NOS1: variants seen among roughly 807,000 people sequenced by gnomAD.
NOS1 encodes the protein nitric oxide synthase 1.
A neutral mutation model predicts 164.5 loss-of-function variants in NOS1; 51 were observed. The ratio of observed to expected loss-of-function variants is 0.31; its 90% CI spans 0.25 to 0.39. The LOEUF is 0.39. Among genes scored for constraint, NOS1 ranks in the 10% least tolerant of loss-of-function variants. The pLI is 1.00. For missense variants in NOS1, 1,362 were observed against 1,885.6 expected (o/e 0.72, Z 5.14); for synonymous variants, 719 against 745.8 (o/e 0.96, Z 0.59).
Position 117,330,550 on chromosome 12 carries a change from G to A in NOS1, c.520C>T (p.His174Tyr), listed in dbSNP as rs372299035. ...DDGQEAGSLP[H>Y]ANGLAPRPPG... ...GGCCTGGGGGCCAGGCCGTTGGCAT[G>A]GGGGAGTGAGCCAGCCTCCTGCCCA... The change falls in exon 2 of 29, where the codon CAT becomes TAT. Residue 174 changes from histidine (H) to tyrosine (Y), a missense_variant. Around this residue, in one of 4 missense-constraint regions of NOS1, gnomAD observed 362 missense variants for 402.0 expected, o/e 0.90. Transcript: ENST00000317775. This position sits in a 1 kb window ranked among gnomAD's most constrained non-coding sequence, Gnocchi z 4.6. 6.2e-7 allele frequency: 1 copy of A among 1,613,570 alleles called. No individual in the cohort carries two copies. The highest frequency in any genetic ancestry group is 1.1e-5 in the South Asian group (1 of 91,072).
At chr12:117,351,438 C>A (rs1876614785) in intron 1 of NOS1, among the ~76,000 whole-genome samples, 2 of 152,274 alleles carry the variant, frequency 1.3e-5, no homozygotes, top group South Asian at 4.1e-4. Flanking sequence ...ACTTAAGCAC[C>A]CCTTTGTTGG....
intron 1 of NOS1, chr12:117,348,345 C>T (rs11068454): frequency 0.11 from 16,902 of 152,142 alleles, 1,023 homozygotes; most frequent in Non-Finnish European, 0.13. Context: ...TTTACTGACA[C>T]GTGACTCGGT....
At chr12:117,254,112 A>G (rs552792944) in intron 16 of NOS1, among the ~76,000 whole-genome samples, 10 of 152,278 alleles carry the variant, frequency 6.6e-5, no homozygotes, top group Middle Eastern at 6.8e-3. Flanking sequence ...AAAAAAAAAA[A>G]AAATTTTTTT....
intron 1 of NOS1, among the ~76,000 whole-genome samples, chr12:117,361,268 G>T (rs1203357001): frequency 6.6e-6 from 1 of 151,904 alleles, no homozygotes; most frequent in Non-Finnish European, 1.5e-5. Flanking sequence ...CGCCCCGCGC[G>T]GCTGGAGGGC....
At position 117,217,280 on chromosome 12, in the gene NOS1, G is replaced by A. The variant is rs544691060; in HGVS notation, c.4289+766C>T. Among the ~76,000 whole-genome samples, 11 of 152,250 alleles carry A rather than the reference G, an allele frequency of 7.2e-5. No homozygotes were observed. In the East Asian group the frequency reaches 1.9e-3, roughly 27 times the overall value. On this transcript the variant is annotated intron_variant, in intron 28 of 28. Coordinates refer to ENST00000317775, the MANE Select transcript of NOS1 (RefSeq NM_000620.5). ...CAGACCTCCACCTAGCTCCAGGGGC[G>A]ATCCCATTCTTCTCCCCACTTTCCT...
intron 3 of NOS1, among the ~76,000 whole-genome samples, chr12:117,296,303 G>T (rs566187852): frequency 6.6e-6 from 1 of 152,274 alleles, no homozygotes; most frequent in African/African-American, 2.4e-5. Context: ...TTGGATTGAA[G>T]AATGCAAAGT....
At chr12:117,241,921 C>CTAAG (rs2135953260) in intron 20 of NOS1, among the ~76,000 whole-genome samples, 1 of 152,322 alleles carries the variant, frequency 6.6e-6, no homozygotes, top group East Asian at 1.9e-4. Context: ...TGTCCTTTTA[C>CTAAG]TAAAGCCAGA....
intron 22 of NOS1, among the ~76,000 whole-genome samples, chr12:117,230,729 A>C (rs1290943487): frequency 6.6e-6 from 1 of 152,104 alleles, no homozygotes; most frequent in African/African-American, 2.4e-5. Flanking sequence ...CATTTGGTTC[A>C]TTTTACAATC....
chr12:117,252,335 C>A (rs1291619316), intron 17 of NOS1, among the ~76,000 whole-genome samples: 1 of 151,962 alleles, frequency 6.6e-6, no homozygotes, highest in Non-Finnish European at 1.5e-5. Context: ...GTAAGAAAAC[C>A]ATTATTAGCT....
chr12:117,306,871 T>G (rs890174348), intron 3 of NOS1, among the ~76,000 whole-genome samples: 6 of 152,146 alleles, frequency 3.9e-5, no homozygotes, highest in Non-Finnish European at 7.4e-5. Flanking sequence ...CTTCCCACCC[T>G]GGCCTCCCAA....
At chr12:117,296,064 C>T (rs988477930) in intron 3 of NOS1, among the ~76,000 whole-genome samples, 8 of 152,072 alleles carry the variant, frequency 5.3e-5, no homozygotes, top group African/African-American at 1.9e-4. Flanking sequence ...CATGTATGTG[C>T]ACACCTACAT....
At chr12:117,264,522 C>T (rs1872216751) in intron 12 of NOS1, among the ~76,000 whole-genome samples, 1 of 147,266 alleles carries the variant, frequency 6.8e-6, no homozygotes, top group Non-Finnish European at 1.5e-5. Flanking sequence ...CCCTTCCTTC[C>T]TTTCCTTCCT....
At chr12:117,264,038 GA>G in intron 12 of NOS1, 64 bp from the exon 13 acceptor site, 1 of 1,341,612 alleles carries the variant, frequency 7.5e-7, no homozygotes, top group South Asian at 1.2e-5. Context: ...TCCTGTTGGG[GA>G]TGCTCAGGAC....
In NOS1 at chr12:117,234,554, G is replaced by A. The variant is rs188370748; in HGVS notation, c.3235+11C>T. 32 of 1,608,272 alleles carry A rather than the reference G, an allele frequency of 2.0e-5. No homozygotes were observed. The Middle Eastern group carries it at 6.7e-4, about 34-fold the overall frequency. On this transcript the variant is annotated intron_variant, in intron 21 of 28. Coordinates refer to ENST00000317775, the MANE Select transcript of NOS1 (RefSeq NM_000620.5). This position sits in a 1 kb window ranked among gnomAD's most constrained non-coding sequence, Gnocchi z 4.3. ...CTCCCTAGAGCAGGGAAGGGTCCCC[G>A]GGAATGTTACCTAAAGCCGTGTTCC...
chr12:117,324,124 G>A, intron 2 of NOS1, among the ~76,000 whole-genome samples: 1 of 152,062 alleles, frequency 6.6e-6, no homozygotes, highest in South Asian at 2.1e-4. Flanking sequence ...GTAGAACCAG[G>A]AGAGCATCCT....
chr12:117,225,326 T>C (rs945102036), intron 24 of NOS1, among the ~76,000 whole-genome samples, 189 bp from the exon 25 acceptor site: 1 of 150,934 alleles, frequency 6.6e-6, no homozygotes, highest in African/African-American at 2.4e-5. Context: ...AAATGGGGGG[T>C]CCTCAAGTTC....
chr12:117,297,750 CAG>C (rs9658319), intron 3 of NOS1, among the ~76,000 whole-genome samples: 86 of 152,008 alleles, frequency 5.7e-4, no homozygotes, highest in Middle Eastern at 3.2e-3. Flanking sequence ...GGGCAGTGGA[CAG>C]AGGGAGATTT....
chr12:117,287,522 T>A (rs1052029394), intron 5 of NOS1, among the ~76,000 whole-genome samples: 4 of 151,950 alleles, frequency 2.6e-5, no homozygotes, highest in Admixed American at 6.6e-5. Flanking sequence ...CACTACAACC[T>A]CCACCTCCCG....
At chr12:117,299,618 G>A (rs1416135627) in intron 3 of NOS1, among the ~76,000 whole-genome samples, 4 of 135,784 alleles carry the variant, frequency 2.9e-5, no homozygotes, top group East Asian at 2.1e-4. Context: ...CAGCCTGGGC[G>A]ACTGAGACTT....
Sources: allele counts gnomAD v4.1 joint callset (sites outside exome capture counted in the v4.1 genomes callset), GRCh38; gene constraint gnomAD v4.1.1; regional missense constraint gnomAD v4.1.1; non-coding constraint Gnocchi (gnomAD v3.1); transcripts MANE v1.5; gene names NCBI Gene and HGNC (gene_info 2026-07-23, HGNC 2026-07-21).